Variants in CELF1 observed in about 807,000 individuals in gnomAD.
CELF1 encodes the protein 50 kDa nuclear polyadenylated RNA-binding protein.
In CELF1, 10 loss-of-function variants were observed where a neutral mutation model predicts 61.8. The observed-to-expected ratio is 0.16, with a 90% CI of 0.10 to 0.27. The LOEUF (loss-of-function observed/expected upper bound fraction) is 0.27, where lower values mean the gene tolerates loss of function less well. Among genes scored for constraint, CELF1 ranks in the 10% least tolerant of loss-of-function variants. CELF1 has a pLI of 1.00. For missense variants in CELF1, 380 were observed against 639.1 expected (o/e 0.59, Z 4.37); for synonymous variants, 236 against 225.1 (o/e 1.05, Z -0.43).
chr11:47,504,482 G>A (rs995821327), intron 1 of CELF1, among the ~76,000 whole-genome samples: 2 of 151,922 alleles, frequency 1.3e-5, no homozygotes, highest in African/African-American at 4.8e-5. Context: ...TGAGGCTGAA[G>A]TGGGAGGATC....
At chr11:47,519,413 C>G (rs755986810) in intron 1 of CELF1, among the ~76,000 whole-genome samples, 7 of 151,780 alleles carry the variant, frequency 4.6e-5, no homozygotes, top group African/African-American at 1.7e-4. Flanking sequence ...CAGGGAGGCA[C>G]AGGTTGCAGT....
Position 47,492,892 on chromosome 11 carries a change from C to T in CELF1, c.72-3868G>A, listed in dbSNP as rs554947021. On this transcript the variant is annotated intron_variant, in intron 3 of 14. Transcript: ENST00000687097. ...GTTAACAAAGAACCCCAATGGTGCCCAGAATACATTTTGATAAGGAAGCTG... is the reference window on the plus strand; with the variant it reads ...GTTAACAAAGAACCCCAATGGTGCCTAGAATACATTTTGATAAGGAAGCTG... 9.2e-5 allele frequency among the ~76,000 whole-genome samples: 14 copies of T among 152,244 alleles called. No homozygotes were observed. The South Asian group carries it at 2.9e-3, about 32-fold the overall frequency.
chr11:47,493,513 G>GAAAA (rs35976407), intron 3 of CELF1, among the ~76,000 whole-genome samples: 8 of 84,928 alleles, frequency 9.4e-5, no homozygotes, highest in Admixed American at 3.0e-4. Context: ...ATCTCAAAAA[G>GAAAA]AAAAAAAAAA....
intron 1 of CELF1, among the ~76,000 whole-genome samples, chr11:47,540,835 A>C (rs1469866736): frequency 6.6e-6 from 1 of 152,152 alleles, no homozygotes; most frequent in Non-Finnish European, 1.5e-5. Flanking sequence ...CAGTGAGCCG[A>C]GATCGCGCCA....
At chr11:47,510,153 G>C (rs1380553285) in intron 1 of CELF1, among the ~76,000 whole-genome samples, 1 of 152,088 alleles carries the variant, frequency 6.6e-6, no homozygotes, top group Non-Finnish European at 1.5e-5. Context: ...ATCTACCTGC[G>C]ATAAATGTTT....
chr11:47,508,675 AAC>A (rs10690121), intron 1 of CELF1, among the ~76,000 whole-genome samples: 26 of 148,938 alleles, frequency 1.7e-4, no homozygotes, highest in Admixed American at 6.0e-4. Context: ...GGAAACCTCA[AAC>A]ACACACACAC....
chr11:47,565,509 A>C, upstream of CELF1: 4 of 948,180 alleles, frequency 4.2e-6, no homozygotes, highest in Non-Finnish European at 5.4e-6. Context: ...ACCCGGTGCG[A>C]GCCCGCGAGA....
At chr11:47,531,081 T>C (rs1335809603) in intron 1 of CELF1, among the ~76,000 whole-genome samples, 1 of 151,886 alleles carries the variant, frequency 6.6e-6, no homozygotes, top group Non-Finnish European at 1.5e-5. Context: ...ACCCCGTCTC[T>C]ACTAAAAATA....
At chr11:47,532,559 G>C (rs1383460571) in intron 1 of CELF1, among the ~76,000 whole-genome samples, 1 of 152,176 alleles carries the variant, frequency 6.6e-6, no homozygotes, top group Non-Finnish European at 1.5e-5. Flanking sequence ...GCTAACCTCA[G>C]AAACTGATTT....
At chr11:47,502,846 T>G (rs150530156) in intron 1 of CELF1, among the ~76,000 whole-genome samples, 1 of 151,822 alleles carries the variant, frequency 6.6e-6, no homozygotes, top group African/African-American at 2.4e-5. Flanking sequence ...AAAAATCAGA[T>G]AGACATTCCA....
chr11:47,496,549 T>C (rs2093128995), intron 3 of CELF1, among the ~76,000 whole-genome samples: 1 of 152,228 alleles, frequency 6.6e-6, no homozygotes, highest in Non-Finnish European at 1.5e-5. Flanking sequence ...AAAAGTTCTA[T>C]GAAAGAAGTG....
At chr11:47,557,367 T>C (rs1348997778), upstream of CELF1, among the ~76,000 whole-genome samples, 76 of 140,762 alleles carry the variant, frequency 5.4e-4, no homozygotes, top group Middle Eastern at 7.9e-3. Context: ...TACAGGCACA[T>C]GCCACCACAT....
In CELF1 at chr11:47,562,201, G is replaced by C. The variant is rs572408875; in HGVS notation, c.-11+2150C>G. Among the ~76,000 whole-genome samples the C allele has an allele frequency of 4.1e-5, 6 of 147,876 alleles. No individual in the cohort carries two copies. In the South Asian group the frequency reaches 1.3e-3, roughly 32 times the overall value. Reference sequence around the variant, plus strand: ...AGATTGTGCCATTGCACTCCAGCCTGGGTAACAAGAGCGAAACTCCATCTC... The same window carrying C: ...AGATTGTGCCATTGCACTCCAGCCTCGGTAACAAGAGCGAAACTCCATCTC... On this transcript the variant is annotated intron_variant, in intron 2 of 3. Coordinates refer to the CELF1 transcript ENST00000525841.
intron 1 of CELF1, among the ~76,000 whole-genome samples, chr11:47,502,009 T>C (rs1416977044): frequency 1.3e-5 from 2 of 152,212 alleles, no homozygotes; most frequent in East Asian, 3.8e-4. Context: ...TGCCAGGCAC[T>C]GTCCAATGTA....
In CELF1 at chr11:47,466,344, G is replaced by C. The variant is rs182103465; in HGVS notation, c.*5886C>G. ...CAAGATAAAGGAAAAGCATTTCTAC[G>C]GCTGAATCACGACTGAGTTGATTGA... On this transcript the variant is annotated 3_prime_UTR_variant, in exon 15 of 15. Coordinates refer to ENST00000687097, the MANE Select transcript of CELF1 (RefSeq NM_001376376.1). 3 of 152,204 alleles carry C rather than the reference G, an allele frequency of 2.0e-5. No homozygotes were observed. Among genetic ancestry groups the C allele is most frequent in the African/African-American group, 7.2e-5 (3 of 41,444 alleles). 9.4% of individuals were successfully genotyped at this position (152,204 alleles called of 1,614,324 possible).
At chr11:47,481,825 G>A (rs571998342) in intron 9 of CELF1, among the ~76,000 whole-genome samples, 2 of 152,182 alleles carry the variant, frequency 1.3e-5, no homozygotes, top group African/African-American at 2.4e-5. Flanking sequence ...CGACAACAGA[G>A]AGATCAAATT....
At chr11:47,490,795 C>T (rs1344990456) in intron 3 of CELF1, among the ~76,000 whole-genome samples, 1 of 152,042 alleles carries the variant, frequency 6.6e-6, no homozygotes, top group Admixed American at 6.6e-5. Context: ...TGAATAGTGT[C>T]TGAAGATCCT....
exon 1 of CELF1, chr11:47,565,347 A>C: frequency 4.5e-6 from 1 of 220,754 alleles, no homozygotes; most frequent in Non-Finnish European, 8.8e-6. Context: ...TTCCCACGCT[A>C]CAGGGCTCAC....
intron 1 of CELF1, among the ~76,000 whole-genome samples, chr11:47,550,738 G>A (rs1294389568): frequency 6.6e-6 from 1 of 151,296 alleles, no homozygotes; most frequent in Admixed American, 6.6e-5. Flanking sequence ...AAAAATACAC[G>A]GAAGTCTTTA....
Sources: allele counts gnomAD v4.1 joint callset (sites outside exome capture counted in the v4.1 genomes callset), GRCh38; gene constraint gnomAD v4.1.1; transcripts MANE v1.5; gene names NCBI Gene and HGNC (gene_info 2026-07-23, HGNC 2026-07-21).